MMS22L: variants seen among roughly 807,000 people sequenced by gnomAD.
MMS22L encodes the protein MMS22 like, DNA repair protein, also known as protein MMS22-like.
In MMS22L, 74 loss-of-function variants were observed where a neutral mutation model predicts 159.1. The observed-to-expected ratio is 0.47, with a 90% CI of 0.39 to 0.56. The LOEUF (loss-of-function observed/expected upper bound fraction) is 0.56. Among genes scored for constraint, MMS22L ranks in the 20% least tolerant of loss-of-function variants. The pLI, the probability that MMS22L is intolerant of heterozygous loss-of-function variation, is 0.00. For missense variants in MMS22L, 1,351 were observed against 1,422.1 expected (o/e 0.95, Z 0.80); for synonymous variants, 517 against 506.9 (o/e 1.02, Z -0.27).
chr6:97,259,297 A>G (rs1330790488), intron 9 of MMS22L: 1 of 152,180 alleles, frequency 6.6e-6, no homozygotes, highest in East Asian at 1.9e-4. Context: ...GTCAACTTGA[A>G]CAGGCCACAG....
intron 14 of MMS22L, among the ~76,000 whole-genome samples, chr6:97,210,123 T>C (rs1170063068): frequency 6.6e-6 from 1 of 151,908 alleles, no homozygotes; most frequent in East Asian, 1.9e-4. Flanking sequence ...TAGAGCTGAA[T>C]TAGGTACAAA....
chr6:97,184,636 T>A (rs1805041369), intron 15 of MMS22L, among the ~76,000 whole-genome samples: 1 of 152,150 alleles, frequency 6.6e-6, no homozygotes, highest in Non-Finnish European at 1.5e-5. Flanking sequence ...ACTTAGCAAA[T>A]TCTGTCATCT....
intron 3 of MMS22L, among the ~76,000 whole-genome samples, chr6:97,279,657 G>T (rs1044830528): frequency 6.6e-6 from 1 of 151,462 alleles, no homozygotes; most frequent in Non-Finnish European, 1.5e-5. Flanking sequence ...CGTGGTGGGG[G>T]GACCCTGTAA....
intron 14 of MMS22L, among the ~76,000 whole-genome samples, chr6:97,223,664 C>T (rs188318456): frequency 6.6e-6 from 1 of 152,164 alleles, no homozygotes; most frequent in Admixed American, 6.5e-5. Flanking sequence ...AACTCTTCTT[C>T]CCTTCTTTCT....
intron 22 of MMS22L, among the ~76,000 whole-genome samples, chr6:97,155,560 G>A (rs750309288): frequency 2.0e-5 from 3 of 152,064 alleles, no homozygotes; most frequent in East Asian, 1.9e-4. Context: ...GAGAACACGC[G>A]GTGTTTGGTT....
Position 97,149,981 on chromosome 6 carries a change from C to G in MMS22L, c.3522G>C (p.Gln1174His). 6.2e-7 allele frequency: 1 copy of G among 1,613,578 alleles called. No individual in the cohort carries two copies. Among genetic ancestry groups the G allele is most frequent in the Non-Finnish European group, 8.5e-7 (1 of 1,179,714 alleles). ...CTACTGTTTCTAAAATGCTGTAAAC[C>G]TGGTAATAGTACCTCATACCATAAT... The part of the protein sequence containing the change: ...IQDYGMRYYY[Q>H]VYSILETVAT... The change falls in exon 24 of 25, where the codon CAG becomes CAC. Residue 1174 changes from glutamine to histidine, a missense_variant. Coordinates refer to ENST00000683635, the MANE Select transcript of MMS22L (RefSeq NM_001350599.2).
At chr6:97,215,067 T>C (rs1016859041) in intron 14 of MMS22L, among the ~76,000 whole-genome samples, 9 of 148,978 alleles carry the variant, frequency 6.0e-5, no homozygotes, top group Admixed American at 4.0e-4. Context: ...ATTTCTGATT[T>C]TTTTCACAAT....
chr6:97,236,172 T>C (rs1338251030), intron 11 of MMS22L, among the ~76,000 whole-genome samples: 2 of 151,460 alleles, frequency 1.3e-5, no homozygotes, highest in Non-Finnish European at 1.5e-5. Flanking sequence ...TACTAAAAAA[T>C]ACAAAAATTA....
intron 23 of MMS22L, 151 bp downstream of exon 23, chr6:97,151,620 G>T: frequency 1.6e-6 from 1 of 624,612 alleles, no homozygotes; most frequent in Non-Finnish European, 2.8e-6. Context: ...ACATCACAGT[G>T]TAACAAAACT....
rs371397263 is a variant in MMS22L at position 97,229,144 on chromosome 6, A to G, written c.1789T>C (p.Cys597Arg). Residue 597 changes from cysteine (C) to arginine (R), a missense_variant, in exon 14 of 25, where the codon TGT becomes CGT. By Grantham distance (180) the Cys-to-Arg change is radical. Transcript: ENST00000683635. ...DIGVLAEKFSCAFREKAKEFL... is the reference protein window; with the variant it reads ...DIGVLAEKFSRAFREKAKEFL... ...TCCTTTGCTTTCTCCCGGAAAGCACATGAAAATTTCTCAGCCAAAACACCA... is the reference window on the plus strand; with the variant it reads ...TCCTTTGCTTTCTCCCGGAAAGCACGTGAAAATTTCTCAGCCAAAACACCA... 1 of 1,614,166 alleles carries G rather than the reference A, an allele frequency of 6.2e-7. No individual in the cohort carries two copies. The highest frequency in any genetic ancestry group is 8.5e-7 in the Non-Finnish European group (1 of 1,180,018).
At chr6:97,193,736 G>C (rs1021128206) in intron 14 of MMS22L, among the ~76,000 whole-genome samples, 6 of 152,124 alleles carry the variant, frequency 3.9e-5, no homozygotes, top group Admixed American at 3.9e-4. Flanking sequence ...TGGTCTGACA[G>C]TCTACATTTC....
At chr6:97,281,143 T>C in intron 3 of MMS22L, 94 bp downstream of exon 3, 1 of 1,216,024 alleles carries the variant, frequency 8.2e-7, no homozygotes, top group Non-Finnish European at 1.1e-6. Context: ...ATTCCTCTGG[T>C]CTTTTGTAAT....
At position 97,282,329 on chromosome 6, in the gene MMS22L, C is replaced by T; in HGVS notation, c.149G>A (p.Ser50Asn). The change falls in exon 2 of 25, where the codon AGC becomes AAC. Residue 50 changes from serine to asparagine, a missense_variant. Transcript: ENST00000683635. ...KHFSGESYLC[S>N]GALKRLILNL... is the part of the protein sequence containing the mutation. The stretch of plus-strand genomic sequence containing the variant: ...TTTTACCTACCGCTTAAGGGCTCCG[C>T]TGCAGAGGTAGGATTCTCCAGAAAA... 6.2e-7 allele frequency: 1 copy of T among 1,614,050 alleles called. No individual in the cohort carries two copies. The highest frequency in any genetic ancestry group is 8.5e-7 in the Non-Finnish European group (1 of 1,179,980).
chr6:97,282,640 A>T (rs1230957538), intron 1 of MMS22L, 87 bp from the exon 2 acceptor site: 2 of 525,726 alleles, frequency 3.8e-6, no homozygotes, highest in African/African-American at 3.9e-5. Flanking sequence ...GGAAAAACAA[A>T]CGAACAAACC....
chr6:97,239,670 A>G (rs1811843991), intron 11 of MMS22L, among the ~76,000 whole-genome samples: 1 of 152,154 alleles, frequency 6.6e-6, no homozygotes, highest in Non-Finnish European at 1.5e-5. Context: ...CCCAAGCACT[A>G]TTGGAAGCTG....
chr6:97,179,324 A>G (rs754528494), intron 17 of MMS22L, 84 bp downstream of exon 17: 66 of 1,173,820 alleles, frequency 5.6e-5, no homozygotes, highest in Non-Finnish European at 7.1e-5. Flanking sequence ...TATATTTTCT[A>G]TTAATTACAT....
intron 14 of MMS22L, among the ~76,000 whole-genome samples, chr6:97,226,070 T>G (rs979544890): frequency 6.6e-6 from 1 of 152,152 alleles, no homozygotes; most frequent in Non-Finnish European, 1.5e-5. Context: ...ATAGGTATAC[T>G]TCCACAAGTA....
intron 14 of MMS22L, among the ~76,000 whole-genome samples, chr6:97,200,349 T>C (rs184548996): frequency 5.9e-5 from 9 of 152,180 alleles, no homozygotes; most frequent in East Asian, 1.9e-4. Context: ...GAGGAAAAGA[T>C]AGAGGAGGGG....
At chr6:97,278,960 C>T (rs1478428132) in intron 3 of MMS22L, 62 bp from the exon 4 acceptor site, 8 of 1,404,078 alleles carry the variant, frequency 5.7e-6, no homozygotes, top group South Asian at 2.5e-5. Context: ...GTAACAATTA[C>T]GTGGACAATG....
Sources: allele counts gnomAD v4.1 joint callset (sites outside exome capture counted in the v4.1 genomes callset), GRCh38; gene constraint gnomAD v4.1.1; transcripts MANE v1.5; gene names NCBI Gene and HGNC (gene_info 2026-07-23, HGNC 2026-07-21).